Variants in SRGAP3 observed in about 807,000 individuals in gnomAD.
The protein encoded by SRGAP3 is SLIT-ROBO Rho GTPase activating protein 3, also known as SLIT-ROBO Rho GTPase-activating protein 3.
A neutral mutation model predicts 121.1 loss-of-function variants in SRGAP3; 39 were observed. The observed-to-expected ratio is 0.32, with a 90% confidence interval of 0.25 to 0.42. The LOEUF (loss-of-function observed/expected upper bound fraction) is 0.42. Ranked by LOEUF, SRGAP3 falls within the 10% of genes least tolerant of loss-of-function variation. SRGAP3 has a pLI of 1.00. For missense variants in SRGAP3, 1,213 were observed against 1,470.6 expected, an observed-to-expected ratio of 0.82 and a Z score of 2.86; for synonymous variants, 601 against 570.0, an observed-to-expected ratio of 1.05 and a Z score of -0.77.
rs9832140 is a variant in SRGAP3 at position 9,256,739 on chromosome 3, C to A, written n.442+69271G>T. On this transcript the variant is annotated intron_variant and non_coding_transcript_variant, in intron 3 of 3. Coordinates refer to the SRGAP3 transcript ENST00000490889. ...GAATTTGAGAGAGACTAAGTTCACA[C>A]ATTAATCTTCTCTTTTCAGCTCCGC... 6 of 397,578 alleles carry A rather than the reference C, an allele frequency of 1.5e-5. No individual in the cohort carries two copies. The South Asian group carries it at 3.8e-4, about 25-fold the overall frequency. The allele number at this position is 397,578 out of a possible 1,614,324, so 24.6% of individuals were successfully genotyped here. A position where few individuals can be genotyped will look rare whatever the true frequency, so the allele number is the denominator to read the frequency against.
chr3:9,261,572 A>C (rs1954256322), intron 3 of SRGAP3, among the ~76,000 whole-genome samples: 1 of 151,944 alleles, frequency 6.6e-6, no homozygotes, highest in South Asian at 2.1e-4. Flanking sequence ...ATCAATAGCC[A>C]AATCAATCAA....
chr3:9,316,394 C>A (rs1955346751), intron 3 of SRGAP3, among the ~76,000 whole-genome samples: 1 of 150,906 alleles, frequency 6.6e-6, no homozygotes, highest in Non-Finnish European at 1.5e-5. Context: ...CGCGGTGGCT[C>A]ACGCCTGTAA....
rs746517052 is a variant in SRGAP3 at position 8,983,679 on chromosome 3, G to C, written c.*1840C>G. ...GAAGGGCTGGAGGGCTCTGATCTAA[G>C]ACTTACCTTACTAATGATAATCACA... On this transcript the variant is annotated 3_prime_UTR_variant, in exon 22 of 22. Coordinates refer to ENST00000383836, the MANE Select transcript of SRGAP3 (RefSeq NM_014850.4). 70 of 231,344 alleles carry C rather than the reference G, an allele frequency of 3.0e-4. No individual in the cohort carries two copies. Among genetic ancestry groups the C allele is most frequent in the Non-Finnish European group, 5.1e-4 (60 of 116,988 alleles). The allele number at this position is 231,344 out of a possible 1,614,324, so 14.3% of individuals were successfully genotyped here.
intron 1 of SRGAP3, among the ~76,000 whole-genome samples, chr3:9,136,562 G>C (rs191961091): frequency 6.6e-6 from 1 of 152,234 alleles, no homozygotes; most frequent in Non-Finnish European, 1.5e-5. Flanking sequence ...TTCGGCCAAC[G>C]ACCGACATCA....
At position 9,058,260 on chromosome 3, in the gene SRGAP3, C is replaced by T; in HGVS notation, c.1014G>A (p.Met338Ile). The T allele has an allele frequency of 1.2e-6, 2 of 1,614,190 alleles. No individual in the cohort carries two copies. Among genetic ancestry groups the T allele is most frequent in the Non-Finnish European group, 1.7e-6 (2 of 1,180,032 alleles). ...PPLKFEFQPHMGDEVCQVSAQ... is the reference protein window; with the variant it reads ...PPLKFEFQPHIGDEVCQVSAQ... ...CCAGGAGGAAGCCTACCTCATCCCC[C>T]ATGTGGGGCTGGAACTCGAACTTGA... Residue 338 changes from methionine (M) to isoleucine (I), a missense_variant, in exon 7 of 22, where the codon ATG (methionine) becomes ATA (isoleucine). Coordinates refer to ENST00000383836, the MANE Select transcript of SRGAP3 (RefSeq NM_014850.4).
rs1392125462 is a variant in SRGAP3 at position 8,985,551 on chromosome 3, T to C, written c.3268A>G (p.Asn1090Asp). 1 of 1,598,750 alleles carries C rather than the reference T, an allele frequency of 6.3e-7. No individual in the cohort carries two copies. ...GTGCCCGACTTGTCCGCTGAGCTGT[T>C]GGGGAACATCTTCTCGGTGGGCGTC... ...AVTPTEKMFPNSSADKSGTM is the reference protein window; with the variant it reads ...AVTPTEKMFPDSSADKSGTM Residue 1090 changes from asparagine to aspartate, a missense_variant, in exon 22 of 22, where the codon AAC (asparagine) becomes GAC (aspartate). Coordinates refer to ENST00000383836, the MANE Select transcript of SRGAP3 (RefSeq NM_014850.4). The surrounding 1 kb of genome is among the most constrained non-coding windows in gnomAD (Gnocchi z 5.1).
At chr3:9,288,130 G>GT (rs57076828) in intron 3 of SRGAP3, among the ~76,000 whole-genome samples, 35,412 of 118,970 alleles carry the variant, frequency 0.3, 5,913 homozygotes, top group Admixed American at 0.4. Context: ...TTCTATCTTT[G>GT]TTTTTTTTTT....
chr3:9,082,195 A>G (rs1295777529), intron 3 of SRGAP3, among the ~76,000 whole-genome samples: 2 of 152,070 alleles, frequency 1.3e-5, no homozygotes, highest in African/African-American at 4.8e-5. Flanking sequence ...CTCACCTTCT[A>G]CCATGATTGG....
At chr3:9,253,220 C>A (rs1276801711), upstream of SRGAP3, among the ~76,000 whole-genome samples, 1 of 152,174 alleles carries the variant, frequency 6.6e-6, no homozygotes, top group African/African-American at 2.4e-5. Context: ...TGGCTCATAG[C>A]GGAGCCCAAG....
Position 9,014,265 on chromosome 3 carries a change from C to T in SRGAP3, c.1814-423G>A, listed in dbSNP as rs994855168. Reference sequence around the variant, plus strand: ...CAGCTGGACCTAAGTTTTCCAGGTTCCCGAACAGTGCATTCCCTTTTATGA... The same window carrying T: ...CAGCTGGACCTAAGTTTTCCAGGTTTCCGAACAGTGCATTCCCTTTTATGA... On this transcript the variant is annotated intron_variant, in intron 15 of 21. Transcript: ENST00000383836. 9 of 281,606 alleles carry T rather than the reference C, an allele frequency of 3.2e-5. No individual in the cohort carries two copies. The South Asian group carries it at 3.8e-4, about 12-fold the overall frequency. The allele number at this position is 281,606 out of a possible 1,614,324, so 17.4% of individuals were successfully genotyped here.
intron 2 of SRGAP3, among the ~76,000 whole-genome samples, chr3:9,105,589 C>G (rs1560159659): frequency 6.6e-6 from 1 of 152,214 alleles, no homozygotes; most frequent in South Asian, 2.1e-4. Context: ...TCCAGTCCCA[C>G]TCCAGACCTG....
intron 1 of SRGAP3, among the ~76,000 whole-genome samples, chr3:9,231,282 A>C (rs1953200313): frequency 1.3e-5 from 2 of 152,212 alleles, no homozygotes; most frequent in African/African-American, 2.4e-5. Context: ...CTTTTCTCCT[A>C]GAGTATCAGG....
intron 1 of SRGAP3, among the ~76,000 whole-genome samples, chr3:9,350,253 AAGAATATTTTTGT>A (rs1237546471): frequency 8.2e-4 from 125 of 152,320 alleles, no homozygotes; most frequent in African/African-American, 2.8e-3. Context: ...TTTCTAAGCA[AAGAATATTTTTGT>A]AGAGAACAAA....
At chr3:9,275,090 C>T (rs936069227) in intron 3 of SRGAP3, among the ~76,000 whole-genome samples, 1 of 152,202 alleles carries the variant, frequency 6.6e-6, no homozygotes, top group Non-Finnish European at 1.5e-5. Context: ...GTTTCCCTGC[C>T]TCTTCTCCCT....
Position 8,984,002 on chromosome 3 carries a change from A to G in SRGAP3, c.*1517T>C, listed in dbSNP as rs936278612. On this transcript the variant is annotated 3_prime_UTR_variant, in exon 22 of 22. Coordinates refer to ENST00000383836, the MANE Select transcript of SRGAP3 (RefSeq NM_014850.4). Reference sequence around the variant, plus strand: ...GGGCACACAGATTTGCCCGTGTGCCATTATCCAGAAACAGCTCATCTCTGG... The same window carrying G: ...GGGCACACAGATTTGCCCGTGTGCCGTTATCCAGAAACAGCTCATCTCTGG... 6.1e-5 allele frequency: 14 copies of G among 230,988 alleles called. No individual in the cohort carries two copies. Among genetic ancestry groups the G allele is most frequent in the African/African-American group, 3.1e-4 (14 of 45,220 alleles). 14.3% of individuals were successfully genotyped at this position (230,988 alleles called of 1,614,324 possible).
chr3:9,261,618 T>G (rs1954257250), intron 3 of SRGAP3, among the ~76,000 whole-genome samples: 1 of 151,228 alleles, frequency 6.6e-6, no homozygotes, highest in Non-Finnish European at 1.5e-5. Context: ...AAGATGAACT[T>G]AATGAAATAA....
chr3:9,315,059 T>C (rs1454051267), intron 3 of SRGAP3, among the ~76,000 whole-genome samples: 1 of 152,204 alleles, frequency 6.6e-6, no homozygotes, highest in East Asian at 1.9e-4. Flanking sequence ...AAAACTATAC[T>C]GGTCAGGCTG....
intron 3 of SRGAP3, among the ~76,000 whole-genome samples, chr3:9,088,942 C>T (rs1201975824): frequency 6.6e-6 from 1 of 152,152 alleles, no homozygotes; most frequent in South Asian, 2.1e-4. Context: ...GTCCTCCGTA[C>T]AGCCCACAGA....
chr3:9,095,609 T>C (rs1352618262), intron 3 of SRGAP3, among the ~76,000 whole-genome samples: 1 of 152,232 alleles, frequency 6.6e-6, no homozygotes, highest in Non-Finnish European at 1.5e-5. Context: ...TGATCTGTAA[T>C]GCACCACTGT....
Sources: allele counts gnomAD v4.1 joint callset (sites outside exome capture counted in the v4.1 genomes callset), GRCh38; gene constraint gnomAD v4.1.1; non-coding constraint Gnocchi (gnomAD v3.1); transcripts MANE v1.5; gene names NCBI Gene and HGNC (gene_info 2026-07-23, HGNC 2026-07-21).